Variants in PLD5 observed in about 807,000 individuals in gnomAD.
The protein encoded by PLD5 is phospholipase D family member 5.
A neutral mutation model predicts 61.1 loss-of-function variants in PLD5; 36 were observed. The ratio of observed to expected loss-of-function variants is 0.59; its 90% CI spans 0.45 to 0.78. PLD5 has a LOEUF of 0.78. Ranked by LOEUF, PLD5 falls within the 30% of genes least tolerant of loss-of-function variation. The pLI, the probability that PLD5 is intolerant of heterozygous loss-of-function variation, is 0.00. For missense variants in PLD5, 515 were observed against 644.4 expected, an observed-to-expected ratio of 0.80 and a Z score of 2.17; for synonymous variants, 243 against 242.8, an observed-to-expected ratio of 1.00 and a Z score of -0.01.
chr1:242,502,552 T>C (rs1272206639), intron 1 of PLD5, among the ~76,000 whole-genome samples: 1 of 151,962 alleles, frequency 6.6e-6, no homozygotes, highest in Non-Finnish European at 1.5e-5. Context: ...AGATACCTTT[T>C]CTTGCATTTT....
chr1:242,244,126 A>G (rs1281364298), intron 4 of PLD5, among the ~76,000 whole-genome samples: 1 of 152,190 alleles, frequency 6.6e-6, no homozygotes, highest in African/African-American at 2.4e-5. Flanking sequence ...GTGTTGGCCT[A>G]TGGTTGGGCA....
At chr1:242,468,914 T>G (rs1174253021) in intron 1 of PLD5, among the ~76,000 whole-genome samples, 7 of 152,100 alleles carry the variant, frequency 4.6e-5, no homozygotes, top group African/African-American at 1.4e-4. Flanking sequence ...CTTATCCCCT[T>G]TACTGATGAA....
chr1:242,435,533 T>C (rs4589094), intron 1 of PLD5, among the ~76,000 whole-genome samples: 25,491 of 152,164 alleles, frequency 0.17, 2,513 homozygotes, highest in African/African-American at 0.27. Context: ...AGATAAGCTT[T>C]GTTCAGGCCT....
intron 9 of PLD5, among the ~76,000 whole-genome samples, chr1:242,094,620 C>T (rs1394784864): frequency 6.6e-6 from 1 of 152,010 alleles, no homozygotes; most frequent in African/African-American, 2.4e-5. Flanking sequence ...AGGGAATTAA[C>T]ATTTTGCTAA....
At chr1:242,140,730 C>A (rs1664098901) in intron 5 of PLD5, among the ~76,000 whole-genome samples, 3 of 141,608 alleles carry the variant, frequency 2.1e-5, no homozygotes, top group African/African-American at 8.3e-5. Context: ...GTTTCTGTTG[C>A]TACATCGTTA....
rs1469589189 is a variant in PLD5 at position 242,215,216 on chromosome 1, A to T, written c.735+4772T>A. ...ACATCTTCTTTTAACTTTTGCATTT[A>T]TATGATGGCCCACAAAAATTAAAAC... On this transcript the variant is annotated intron_variant, in intron 5 of 9. Transcript: ENST00000536534. Among the ~76,000 whole-genome samples the T allele has an allele frequency of 9.9e-4, 150 of 151,552 alleles. 4 individuals carry two copies. Among genetic ancestry groups the T allele is most frequent in the Admixed American group, 9.5e-3 (140 of 14,806 alleles).
intron 3 of PLD5, among the ~76,000 whole-genome samples, chr1:242,279,700 A>AT (rs1674615244): frequency 6.6e-6 from 1 of 151,810 alleles, no homozygotes; most frequent in Non-Finnish European, 1.5e-5. Flanking sequence ...CACCCAGCTA[A>AT]TTTTTTGTAT....
At chr1:242,503,883 A>C in intron 1 of PLD5, among the ~76,000 whole-genome samples, 1 of 152,134 alleles carries the variant, frequency 6.6e-6, no homozygotes, top group East Asian at 1.9e-4. Context: ...GGTGGGAAGA[A>C]CCCTGACGAT....
chr1:242,440,851 C>T (rs1666241682), intron 1 of PLD5, among the ~76,000 whole-genome samples: 1 of 152,182 alleles, frequency 6.6e-6, no homozygotes, highest in Admixed American at 6.5e-5. Context: ...CATTACTTTC[C>T]TTCACACTTC....
chr1:242,307,804 T>C (rs1205014826), intron 2 of PLD5, among the ~76,000 whole-genome samples: 1 of 152,092 alleles, frequency 6.6e-6, no homozygotes, highest in Non-Finnish European at 1.5e-5. Flanking sequence ...AATAATTGTC[T>C]ACACTCCATT....
At chr1:242,467,063 A>G (rs1470971062) in intron 1 of PLD5, among the ~76,000 whole-genome samples, 3 of 152,162 alleles carry the variant, frequency 2.0e-5, no homozygotes, top group African/African-American at 7.2e-5. Context: ...GTTAACAATA[A>G]TATATTTCAA....
chr1:242,401,622 C>T (rs976115123), intron 1 of PLD5, among the ~76,000 whole-genome samples: 6 of 152,158 alleles, frequency 3.9e-5, no homozygotes, highest in African/African-American at 1.4e-4. Flanking sequence ...TGTGCTCAGG[C>T]CCCACACTTT....
At chr1:242,211,550 G>A (rs1426198532) in intron 5 of PLD5, among the ~76,000 whole-genome samples, 1 of 152,128 alleles carries the variant, frequency 6.6e-6, no homozygotes, top group African/African-American at 2.4e-5. Flanking sequence ...TGGAGGAGCT[G>A]CAAAACTCTC....
intron 4 of PLD5, among the ~76,000 whole-genome samples, chr1:242,264,010 T>A (rs1673515314): frequency 1.3e-5 from 2 of 152,072 alleles, no homozygotes; most frequent in African/African-American, 4.8e-5. Context: ...CAGCTTTTTA[T>A]CCTGCCAGGA....
At chr1:242,097,202 A>G (rs1660318284) in intron 9 of PLD5, among the ~76,000 whole-genome samples, 1 of 152,224 alleles carries the variant, frequency 6.6e-6, no homozygotes, top group Non-Finnish European at 1.5e-5. Context: ...TAGTGCCACA[A>G]TAAACATACG....
chr1:242,118,301 T>C (rs1018681155), intron 6 of PLD5, among the ~76,000 whole-genome samples: 2 of 152,208 alleles, frequency 1.3e-5, no homozygotes, highest in Non-Finnish European at 2.9e-5. Context: ...GAATGGCCTG[T>C]TTGCTGGCTG....
At chr1:242,434,529 G>A (rs900845873) in intron 1 of PLD5, among the ~76,000 whole-genome samples, 10 of 152,200 alleles carry the variant, frequency 6.6e-5, no homozygotes, top group African/African-American at 2.4e-4. Flanking sequence ...TGTAGGAGCT[G>A]TCATCGTATA....
intron 4 of PLD5, among the ~76,000 whole-genome samples, chr1:242,261,297 C>T (rs901168689): frequency 2.0e-5 from 3 of 152,158 alleles, no homozygotes; most frequent in Admixed American, 6.5e-5. Flanking sequence ...AACGACCCTC[C>T]GTAAGTATAA....
At chr1:242,266,982 T>G (rs927109201) in intron 3 of PLD5, among the ~76,000 whole-genome samples, 1 of 151,806 alleles carries the variant, frequency 6.6e-6, no homozygotes, top group African/African-American at 2.4e-5. Context: ...CTGGGCATGG[T>G]GGTGGGTGCC....
Sources: allele counts gnomAD v4.1 joint callset (sites outside exome capture counted in the v4.1 genomes callset), GRCh38; gene constraint gnomAD v4.1.1; transcripts MANE v1.5; gene names NCBI Gene and HGNC (gene_info 2026-07-23, HGNC 2026-07-21).